The following CENPU variants were observed in gnomAD, a reference collection of about 807,000 sequenced individuals.
CENPU encodes the protein centromere protein U.
A neutral mutation model predicts 56.7 loss-of-function variants in CENPU; 46 were observed. The ratio of observed to expected loss-of-function variants is 0.81; its 90% CI spans 0.64 to 1.04. The LOEUF (loss-of-function observed/expected upper bound fraction) is 1.04. Among genes scored for constraint, CENPU ranks in the 50% least tolerant of loss-of-function variants. The pLI is 0.00. For synonymous variants in CENPU, 166 were observed against 163.0 expected (o/e 1.02, Z -0.14); for missense variants, 510 against 490.1 (o/e 1.04, Z -0.38).
chr4:184,703,076 G>GA (rs1438979234), intron 8 of CENPU, among the ~76,000 whole-genome samples: 4 of 148,298 alleles, frequency 2.7e-5, no homozygotes, highest in South Asian at 4.2e-4. Flanking sequence ...TGTTCAGCCT[G>GA]AAAAAAACAC....
At chr4:184,726,183 A>G (rs1761444937) in intron 3 of CENPU, among the ~76,000 whole-genome samples, 1 of 152,212 alleles carries the variant, frequency 6.6e-6, no homozygotes, top group Non-Finnish European at 1.5e-5. Flanking sequence ...ATTGCTGTGA[A>G]TAACAAGGGG....
rs1761126745 is a variant in CENPU, at chr4:184,717,305, T to TA, written c.321-110dup. On this transcript the variant is annotated intron_variant, in intron 4 of 12. Coordinates refer to ENST00000281453, the MANE Select transcript of CENPU (RefSeq NM_024629.4). ...AAACAGACTCAATTTAATGAGGAAA[T>TA]ATCCTATTTGTCACATACAAGTCTG... is the stretch of plus-strand genomic sequence containing the variant. 3.7e-6 allele frequency: 3 copies of TA among 808,936 alleles called. No individual in the cohort carries two copies. The Admixed American group carries it at 6.1e-5, about 16-fold the overall frequency. 50.1% of individuals were successfully genotyped at this position (808,936 alleles called of 1,614,324 possible).
chr4:184,712,300 G>C (rs972999228), intron 7 of CENPU, among the ~76,000 whole-genome samples: 13 of 152,098 alleles, frequency 8.5e-5, no homozygotes, highest in Admixed American at 2.6e-4. Context: ...TATGCTGAGT[G>C]AAAGAAGCCT....
At position 184,696,739 on chromosome 4, in the gene CENPU, T is replaced by G. The variant is rs960119592; in HGVS notation, c.1143+908A>C. On this transcript the variant is annotated intron_variant, in intron 12 of 12. Coordinates refer to ENST00000281453, the MANE Select transcript of CENPU (RefSeq NM_024629.4). ...TTAGGGCATACAAATACAAATTTCTTTCCTAGAACTTAAACATTTCTATTA... is the reference window on the plus strand; with the variant it reads ...TTAGGGCATACAAATACAAATTTCTGTCCTAGAACTTAAACATTTCTATTA... Among the ~76,000 whole-genome samples, 7 of 151,558 alleles carry G rather than the reference T, an allele frequency of 4.6e-5. No homozygotes were observed. In the South Asian group the frequency reaches 6.2e-4, roughly 13 times the overall value.
chr4:184,695,110 A>G lies in CENPU; in HGVS notation c.*178T>C. 3 of 566,078 alleles carry G rather than the reference A, an allele frequency of 5.3e-6. No homozygotes were observed. The highest frequency in any genetic ancestry group is 9.4e-6 in the Non-Finnish European group (3 of 318,190). The allele number at this position is 566,078 out of a possible 1,614,324, so 35.1% of individuals were successfully genotyped here. On this transcript the variant is annotated 3_prime_UTR_variant, in exon 13 of 13. Coordinates refer to ENST00000281453, the MANE Select transcript of CENPU (RefSeq NM_024629.4). ...AAAGATGATTATGGCCTTTAAAACT[A>G]TTGGACAAACTGATGCTATTTAACA...
In CENPU at chr4:184,694,941, C is replaced by G; in HGVS notation, c.*347G>C. ...GTAAACCAATTTCATTAAAAATTAG[C>G]TTTGGTGTAAATTCAGGAGAAATCG... On this transcript the variant is annotated 3_prime_UTR_variant, in exon 13 of 13. Transcript: ENST00000281453. 1 of 609,474 alleles carries G rather than the reference C, an allele frequency of 1.6e-6. No homozygotes were observed. Among genetic ancestry groups the G allele is most frequent in the Non-Finnish European group, 2.8e-6 (1 of 359,556 alleles). The allele number at this position is 609,474 out of a possible 1,614,324, so 37.8% of individuals were successfully genotyped here. A position where few individuals can be genotyped will look rare whatever the true frequency, so the allele number is the denominator to read the frequency against.
chr4:184,717,675 T>C (rs28412823), intron 4 of CENPU, among the ~76,000 whole-genome samples: 27,107 of 152,124 alleles, frequency 0.18, 2,720 homozygotes, highest in African/African-American at 0.26. Flanking sequence ...CAAAGCACAG[T>C]GAATAAAATT....
rs763561553 is a variant in CENPU at position 184,702,126 on chromosome 4, C to G, written c.887G>C (p.Ser296Thr). The change falls in exon 10 of 13, where the codon AGC becomes ACC. Residue 296 changes from serine (S) to threonine (T), a missense_variant. Coordinates refer to ENST00000281453, the MANE Select transcript of CENPU (RefSeq NM_024629.4). Reference sequence around the variant, plus strand: ...CCTTTTCAGATTTGTCAACATCTGGCTTTCTTTAAGCTACACAAAACAAAA... The same window carrying G: ...CCTTTTCAGATTTGTCAACATCTGGGTTTCTTTAAGCTACACAAAACAAAA... ...KEQFIKMLKE[S>T]QMLTNLKRKN... is the part of the protein sequence containing the mutation. 1 of 1,608,224 alleles carries G rather than the reference C, an allele frequency of 6.2e-7. No homozygotes were observed. Among genetic ancestry groups the G allele is most frequent in the Non-Finnish European group, 8.5e-7 (1 of 1,175,728 alleles).
chr4:184,734,056 G>A lies in CENPU; in HGVS notation c.7C>T (p.Pro3Ser), dbSNP rs775687552. The A allele has an allele frequency of 4.5e-6, 7 of 1,563,162 alleles. No homozygotes were observed. The African/African-American group carries it at 6.8e-5, about 15-fold the overall frequency. The change falls in exon 1 of 13, where the codon CCG becomes TCG. Residue 3 changes from proline to serine, a missense_variant. Pro to Ser is a moderately conservative substitution (Grantham distance 74). Transcript: ENST00000281453. ...GGCCGCGGCCGCCGCCGCCCCCGCG[G>A]GGCCATGGTGCCGCTCTCCGCTCTC... Reference protein sequence around the residue: MAPRGRRRPRPHR... With the variant: MASRGRRRPRPHR...
At chr4:184,708,542 A>G (rs1760808290) in intron 8 of CENPU, among the ~76,000 whole-genome samples, 1 of 152,090 alleles carries the variant, frequency 6.6e-6, no homozygotes, top group African/African-American at 2.4e-5. Context: ...TCAAAGAAAA[A>G]AAATAACAGT....
chr4:184,707,346 A>C (rs1760762304), intron 8 of CENPU, among the ~76,000 whole-genome samples: 1 of 151,666 alleles, frequency 6.6e-6, no homozygotes. Context: ...TCTCATCAAT[A>C]GTGTGCCTGC....
At chr4:184,714,679 A>G (rs955233252) in intron 6 of CENPU, among the ~76,000 whole-genome samples, 1 of 152,228 alleles carries the variant, frequency 6.6e-6, no homozygotes, top group Non-Finnish European at 1.5e-5. Context: ...TAAGAAGCCA[A>G]TAGAGAAAAT....
intron 8 of CENPU, among the ~76,000 whole-genome samples, chr4:184,706,144 C>T (rs1025248060): frequency 1.4e-5 from 2 of 145,966 alleles, no homozygotes; most frequent in Non-Finnish European, 3.0e-5. Context: ...TACATAAGCC[C>T]CACTTTAAAA....
chr4:184,706,262 T>G (rs28673855), intron 8 of CENPU, among the ~76,000 whole-genome samples: 27,119 of 152,210 alleles, frequency 0.18, 2,717 homozygotes, highest in African/African-American at 0.26. Flanking sequence ...TCAACTACTC[T>G]GGAGGCTGAG....
At chr4:184,712,910 A>G in intron 7 of CENPU, 34 bp downstream of exon 7, 1 of 1,375,318 alleles carries the variant, frequency 7.3e-7, no homozygotes, top group Non-Finnish European at 1.0e-6. Context: ...GAAATTCCTG[A>G]ATGAGTGACA....
At chr4:184,699,763 C>A (rs1163920969) in intron 11 of CENPU, among the ~76,000 whole-genome samples, 1 of 152,062 alleles carries the variant, frequency 6.6e-6, no homozygotes, top group Non-Finnish European at 1.5e-5. Flanking sequence ...CAGGTTCAAG[C>A]GATTCTCGTG....
rs948175829 is a variant in CENPU at position 184,707,119 on chromosome 4, C to T, written c.797+2953G>A. 2.3e-4 allele frequency among the ~76,000 whole-genome samples: 35 copies of T among 151,378 alleles called. 1 individual carries two copies. The highest frequency in any genetic ancestry group is 8.4e-4 in the African/African-American group (34 of 40,654). ...AATATAAAGAAGAGTAAAACAGGCA[C>T]TTCTCACAATGATAATGATGAGTTG... On this transcript the variant is annotated intron_variant, in intron 8 of 12. Transcript: ENST00000281453.
intron 11 of CENPU, among the ~76,000 whole-genome samples, chr4:184,699,135 G>T (rs938148890): frequency 5.9e-5 from 9 of 151,878 alleles, no homozygotes; most frequent in African/African-American, 2.2e-4. Flanking sequence ...AGAGCATCCT[G>T]ACTAACATGG....
intron 3 of CENPU, among the ~76,000 whole-genome samples, chr4:184,727,165 C>A (rs1406910511): frequency 6.6e-6 from 1 of 151,142 alleles, no homozygotes; most frequent in Admixed American, 6.6e-5. Context: ...ACAGATAAAC[C>A]TTGAAGACAT....
Sources: allele counts gnomAD v4.1 joint callset (sites outside exome capture counted in the v4.1 genomes callset), GRCh38; gene constraint gnomAD v4.1.1; transcripts MANE v1.5; gene names NCBI Gene and HGNC (gene_info 2026-07-23, HGNC 2026-07-21).